The following PSEN1 variants were observed in gnomAD, a reference collection of about 807,000 sequenced individuals.
PSEN1 encodes presenilin 1.
A neutral mutation model predicts 53.5 loss-of-function variants in PSEN1; 15 were observed. The observed-to-expected ratio is 0.28, with a 90% CI of 0.19 to 0.43. The LOEUF is 0.43. Among genes scored for constraint, PSEN1 ranks in the 20% least tolerant of loss-of-function variants. The pLI, the probability that PSEN1 is intolerant of heterozygous loss-of-function variation, is 1.00. For synonymous variants in PSEN1, 208 were observed against 209.8 expected (o/e 0.99, Z 0.08); for missense variants, 387 against 571.2 (o/e 0.68, Z 3.29).
chr14:73,217,016 C>T, intron 10 of PSEN1, 110 bp from the exon 11 acceptor site: 1 of 1,213,030 alleles, frequency 8.2e-7, no homozygotes, highest in Non-Finnish European at 1.2e-6. Flanking sequence ...ATATCATTTA[C>T]TGACTTCTCT....
chr14:73,151,310 A>G (rs762627641), intron 3 of PSEN1, among the ~76,000 whole-genome samples: 12 of 152,174 alleles, frequency 7.9e-5, no homozygotes, highest in Non-Finnish European at 1.5e-4. Context: ...GCAGTGACAT[A>G]CTAATTCATT....
At chr14:73,170,281 A>G (rs1271220449) in intron 3 of PSEN1, among the ~76,000 whole-genome samples, 1 of 152,166 alleles carries the variant, frequency 6.6e-6, no homozygotes, top group Non-Finnish European at 1.5e-5. Flanking sequence ...TCCCGTAACT[A>G]AGAGTACCTA....
intron 8 of PSEN1, among the ~76,000 whole-genome samples, chr14:73,198,779 C>CTTG (rs1034361510): frequency 2.0e-5 from 3 of 152,004 alleles, no homozygotes; most frequent in African/African-American, 2.4e-5. Context: ...CCTGTGTTTT[C>CTTG]TTGTTGTTGT....
intron 3 of PSEN1, chr14:73,169,195 T>C (rs1897813413): frequency 6.6e-6 from 1 of 152,294 alleles, no homozygotes; most frequent in African/African-American, 2.4e-5. Flanking sequence ...ACCTCTGATT[T>C]GTGCTCCACT....
At chr14:73,154,600 C>CA (rs1858142301) in intron 3 of PSEN1, among the ~76,000 whole-genome samples, 1 of 150,460 alleles carries the variant, frequency 6.6e-6, no homozygotes, top group Non-Finnish European at 1.5e-5. Context: ...GACCCTGCCT[C>CA]AAAAAAAGAA....
chr14:73,169,399 C>G (rs1285874439), intron 3 of PSEN1: 1 of 152,220 alleles, frequency 6.6e-6, no homozygotes, highest in African/African-American at 2.4e-5. Context: ...AGATTTCATC[C>G]ATTTCTGAGG....
intron 3 of PSEN1, chr14:73,168,337 C>T (rs61986885): frequency 6.7e-6 from 1 of 150,050 alleles, no homozygotes; most frequent in Non-Finnish European, 1.5e-5. Flanking sequence ...CCTGGGCAAC[C>T]GAGTGAGACT....
At chr14:73,193,923 T>C (rs1369365242) in intron 7 of PSEN1, among the ~76,000 whole-genome samples, 1 of 152,230 alleles carries the variant, frequency 6.6e-6, no homozygotes, top group East Asian at 1.9e-4. Flanking sequence ...TCTCAAGGTA[T>C]TGGGATTATA....
rs561093474 is a variant in PSEN1 at position 73,172,618 on chromosome 14, T to C, written c.339-948T>C. Among the ~76,000 whole-genome samples the C allele has an allele frequency of 2.0e-5, 3 of 152,378 alleles. No individual in the cohort carries two copies. In the East Asian group the frequency reaches 5.8e-4, roughly 29 times the overall value. On this transcript the variant is annotated intron_variant, in intron 4 of 11. Transcript: ENST00000324501. ...CACTACAGTAGCACAGTTGAGTGTT[T>C]GCACTGGAGACCATATGACCCATAG...
At chr14:73,219,113 T>A in intron 11 of PSEN1, 21 bp from the exon 12 acceptor site, 1 of 1,613,044 alleles carries the variant, frequency 6.2e-7, no homozygotes. Flanking sequence ...TGAATGTGTG[T>A]CTTTCCCATC....
chr14:73,144,996 G>A (rs999798067), intron 1 of PSEN1, among the ~76,000 whole-genome samples: 2 of 152,146 alleles, frequency 1.3e-5, no homozygotes, highest in African/African-American at 2.4e-5. Context: ...AGGTTCAAGC[G>A]ATTCTCCTGC....
chr14:73,169,537 T>C (rs760815228), intron 3 of PSEN1: 3 of 152,228 alleles, frequency 2.0e-5, no homozygotes, highest in African/African-American at 4.8e-5. Context: ...GTTTATCTTA[T>C]TGTGTTCCAT....
chr14:73,199,173 T>C (rs1330479317), intron 8 of PSEN1, among the ~76,000 whole-genome samples: 4 of 152,230 alleles, frequency 2.6e-5, no homozygotes, highest in African/African-American at 9.6e-5. Flanking sequence ...TAGACATTGC[T>C]AGCAGACGTT....
chr14:73,181,238 G>C (rs1442822656), intron 5 of PSEN1, among the ~76,000 whole-genome samples: 1 of 152,110 alleles, frequency 6.6e-6, no homozygotes, highest in African/African-American at 2.4e-5. Context: ...TCAGAAGATC[G>C]AGACCAGCCT....
chr14:73,165,312 G>C (rs148024075), intron 3 of PSEN1, among the ~76,000 whole-genome samples: 27 of 152,096 alleles, frequency 1.8e-4, no homozygotes, highest in Non-Finnish European at 3.7e-4. Context: ...CCTTAAAGAT[G>C]GTGTCTCACT....
intron 3 of PSEN1, among the ~76,000 whole-genome samples, chr14:73,167,564 A>G (rs1221813917): frequency 6.6e-6 from 1 of 152,144 alleles, no homozygotes; most frequent in Non-Finnish European, 1.5e-5. Flanking sequence ...CACAATGGCA[A>G]CCAGGTTTCC....
chr14:73,181,847 C>T (rs149088789), intron 5 of PSEN1, among the ~76,000 whole-genome samples: 1 of 152,244 alleles, frequency 6.6e-6, no homozygotes, highest in African/African-American at 2.4e-5. Context: ...TGTCTCGGCT[C>T]ACTGCACCCT....
At position 73,219,299 on chromosome 14, in the gene PSEN1, G is replaced by T; in HGVS notation, c.*10G>T. 6.2e-7 allele frequency: 1 copy of T among 1,610,110 alleles called. No individual in the cohort carries two copies. ...TCAATTTTATATCTAGCATATTTGCGGTTAGAATCCCATGGATGTTTCTTC... is the reference window on the plus strand; with the variant it reads ...TCAATTTTATATCTAGCATATTTGCTGTTAGAATCCCATGGATGTTTCTTC... On this transcript the variant is annotated 3_prime_UTR_variant, in exon 12 of 12. Transcript: ENST00000324501.
At chr14:73,143,656 G>T (rs1409435612) in intron 1 of PSEN1, among the ~76,000 whole-genome samples, 1 of 152,148 alleles carries the variant, frequency 6.6e-6, no homozygotes. Flanking sequence ...GTACCAGCTT[G>T]TATGGTTTCT....
Sources: allele counts gnomAD v4.1 joint callset (sites outside exome capture counted in the v4.1 genomes callset), GRCh38; gene constraint gnomAD v4.1.1; transcripts MANE v1.5; gene names NCBI Gene and HGNC (gene_info 2026-07-23, HGNC 2026-07-21).